The following KPNA1 variants were observed in gnomAD, a reference collection of about 807,000 sequenced individuals.
KPNA1 encodes the protein importin subunit alpha-5.
Under a neutral mutation model 70.5 loss-of-function variants are expected in KPNA1, and 10 were observed. The observed-to-expected ratio is 0.14, with a 90% CI of 0.09 to 0.24. The LOEUF is 0.24. Among genes scored for constraint, KPNA1 ranks in the 10% least tolerant of loss-of-function variants. KPNA1 has a pLI of 1.00. For synonymous variants in KPNA1, 192 were observed against 221.9 expected (o/e 0.87, Z 1.20); for missense variants, 397 against 637.9 (o/e 0.62, Z 4.07).
At chr3:122,494,098 G>A (rs1179638178) in intron 2 of KPNA1, among the ~76,000 whole-genome samples, 3 of 151,892 alleles carry the variant, frequency 2.0e-5, no homozygotes, top group African/African-American at 4.8e-5. Flanking sequence ...CCATTCTGTA[G>A]GTTGTCTGTT....
intron 6 of KPNA1, among the ~76,000 whole-genome samples, chr3:122,453,600 G>A (rs1049306456): frequency 5.9e-5 from 9 of 151,806 alleles, no homozygotes; most frequent in Admixed American, 3.9e-4. Flanking sequence ...GCAATGACGC[G>A]ATCTCGGCTC....
chr3:122,435,132 A>G (rs1414948926), intron 11 of KPNA1, among the ~76,000 whole-genome samples: 4 of 152,210 alleles, frequency 2.6e-5, no homozygotes, highest in Non-Finnish European at 5.9e-5. Flanking sequence ...TTTTATTGAC[A>G]AATAATAATT....
intron 9 of KPNA1, among the ~76,000 whole-genome samples, chr3:122,443,379 T>C (rs1272263529): frequency 1.3e-5 from 2 of 152,296 alleles, no homozygotes; most frequent in South Asian, 2.1e-4. Flanking sequence ...GGGCAGGGCA[T>C]AGGCTGAACA....
At chr3:122,472,290 T>A (rs868500398) in intron 2 of KPNA1, among the ~76,000 whole-genome samples, 12 of 151,782 alleles carry the variant, frequency 7.9e-5, no homozygotes, top group Admixed American at 2.0e-4. Context: ...ATATAATTTT[T>A]AAAAAAAACC....
chr3:122,473,678 T>C (rs368203922), intron 2 of KPNA1, among the ~76,000 whole-genome samples: 3 of 152,192 alleles, frequency 2.0e-5, no homozygotes, highest in South Asian at 2.1e-4. Context: ...CAACACCCAT[T>C]CACGATTTTA....
intron 1 of KPNA1, among the ~76,000 whole-genome samples, chr3:122,505,958 T>C (rs2076886018): frequency 1.3e-5 from 2 of 152,208 alleles, no homozygotes; most frequent in Admixed American, 1.3e-4. Flanking sequence ...TTTCACTGTA[T>C]CACTTCAATG....
chr3:122,451,723 A>G, intron 7 of KPNA1, 90 bp from the exon 8 acceptor site: 2 of 814,112 alleles, frequency 2.5e-6, no homozygotes, highest in African/African-American at 1.7e-5. Context: ...TTTGATAAAG[A>G]GATGTCTTCA....
At chr3:122,455,084 C>G (rs572031598) in intron 5 of KPNA1, among the ~76,000 whole-genome samples, 2 of 152,158 alleles carry the variant, frequency 1.3e-5, no homozygotes, top group South Asian at 4.1e-4. Context: ...GAGAAAATAA[C>G]AAGTCGTCAT....
intron 2 of KPNA1, among the ~76,000 whole-genome samples, chr3:122,469,225 C>T (rs2076414838): frequency 6.6e-6 from 1 of 152,120 alleles, no homozygotes; most frequent in Non-Finnish European, 1.5e-5. Flanking sequence ...AGAGTTTTGC[C>T]TAGGCCTTTC....
At chr3:122,460,075 T>C in intron 5 of KPNA1, 9 of 985,422 alleles carry the variant, frequency 9.1e-6, no homozygotes, top group Non-Finnish European at 1.1e-5. Context: ...GATAATCCCA[T>C]TTTGTGATCA....
In KPNA1 at chr3:122,427,546, T is replaced by G. The variant is rs2107712814; in HGVS notation, c.1421A>C (p.Glu474Ala). 7 of 1,611,950 alleles carry G rather than the reference T, an allele frequency of 4.3e-6. No individual in the cohort carries two copies. Among genetic ancestry groups the G allele is most frequent in the East Asian group, 2.2e-5 (1 of 44,854 alleles). The change falls in exon 13 of 14, where the codon GAA (glutamate) becomes GCA (alanine). Residue 474 changes from glutamate to alanine, a missense_variant. By Grantham distance (107) the Glu-to-Ala change is moderately radical. Transcript: ENST00000344337. ...CAACCAAAGCATCTTACCATAAGCT[T>G]CTTCAATCAAAGCACAGTAAGGGTT... Reference protein sequence around the residue: ...GINPYCALIEEAYGLDKIEFL... With the variant: ...GINPYCALIEAAYGLDKIEFL...
intron 12 of KPNA1, among the ~76,000 whole-genome samples, chr3:122,430,132 G>A (rs1226582492): frequency 1.3e-5 from 2 of 151,526 alleles, no homozygotes; most frequent in Non-Finnish European, 2.9e-5. Context: ...TTTTTTAATT[G>A]TGTGGTGGCA....
chr3:122,482,190 G>C (rs2076579332), intron 2 of KPNA1, among the ~76,000 whole-genome samples: 1 of 152,232 alleles, frequency 6.6e-6, no homozygotes, highest in Non-Finnish European at 1.5e-5. Context: ...TTGCTCCTAG[G>C]CTACAAACTT....
intron 1 of KPNA1, among the ~76,000 whole-genome samples, chr3:122,498,349 G>A (rs530327281): frequency 2.6e-5 from 4 of 152,182 alleles, no homozygotes; most frequent in South Asian, 4.2e-4. Context: ...AGCCATGTGA[G>A]GACACAGAGA....
intron 10 of KPNA1, among the ~76,000 whole-genome samples, chr3:122,437,952 T>G (rs1322432139): frequency 6.6e-6 from 1 of 152,244 alleles, no homozygotes; most frequent in African/African-American, 2.4e-5. Context: ...TAATCCTTTC[T>G]TCCAATGACT....
intron 5 of KPNA1, chr3:122,460,330 T>C: frequency 1.0e-6 from 1 of 985,040 alleles, no homozygotes; most frequent in Non-Finnish European, 1.2e-6. Flanking sequence ...GTTGGTTTCT[T>C]TTCTTATGAA....
chr3:122,448,353 T>C (rs1466295494), intron 9 of KPNA1, among the ~76,000 whole-genome samples: 1 of 152,176 alleles, frequency 6.6e-6, no homozygotes, highest in African/African-American at 2.4e-5. Flanking sequence ...CAAATGTCCA[T>C]CAGTGATAGA....
At chr3:122,440,670 T>C (rs2076050558) in intron 10 of KPNA1, among the ~76,000 whole-genome samples, 1 of 152,204 alleles carries the variant, frequency 6.6e-6, no homozygotes, top group South Asian at 2.1e-4. Context: ...TTTATGCAAA[T>C]ATAGTCAAAC....
chr3:122,483,567 A>ACTC (rs2076595920), intron 2 of KPNA1, among the ~76,000 whole-genome samples: 1 of 151,806 alleles, frequency 6.6e-6, no homozygotes, highest in Non-Finnish European at 1.5e-5. Context: ...CTGGTCTTGA[A>ACTC]CTCCTGACCT....
Sources: allele counts gnomAD v4.1 joint callset (sites outside exome capture counted in the v4.1 genomes callset), GRCh38; gene constraint gnomAD v4.1.1; transcripts MANE v1.5; gene names NCBI Gene and HGNC (gene_info 2026-07-23, HGNC 2026-07-21).